AGBL1: variants seen among roughly 807,000 people sequenced by gnomAD.
AGBL1 encodes cytosolic carboxypeptidase 4.
AGBL1 carries 130 observed loss-of-function variants against 118.9 expected under a neutral mutation model. The ratio of observed to expected loss-of-function variants is 1.09; its 90% CI spans 0.95 to 1.26. The LOEUF (loss-of-function observed/expected upper bound fraction) is 1.26. Ranked by LOEUF, AGBL1 falls within the 50% of genes most tolerant of loss-of-function variation. The probability of loss-of-function intolerance (pLI) is 0.00; values close to 1 mark genes in which losing one functional copy is unlikely to be tolerated. For missense variants in AGBL1, 1,584 were observed against 1,298.1 expected (o/e 1.22, Z -3.38); for synonymous variants, 555 against 478.9 (o/e 1.16, Z -2.08).
intron 18 of AGBL1, among the ~76,000 whole-genome samples, chr15:86,515,201 C>T (rs2083105449): frequency 6.6e-6 from 1 of 152,156 alleles, no homozygotes; most frequent in South Asian, 2.1e-4. Context: ...TACCTCTTGT[C>T]TAGGTTCATT....
At chr15:86,768,081 C>T (rs1021902283) in intron 22 of AGBL1, among the ~76,000 whole-genome samples, 2 of 151,934 alleles carry the variant, frequency 1.3e-5, no homozygotes, top group Admixed American at 6.6e-5. Context: ...TGCTTCAAGC[C>T]AGCCATATCC....
chr15:86,847,391 A>G (rs898164278), intron 22 of AGBL1, among the ~76,000 whole-genome samples: 3 of 152,214 alleles, frequency 2.0e-5, no homozygotes, highest in African/African-American at 7.2e-5. Flanking sequence ...GAATTCTGAT[A>G]TGCCTTCTCT....
At chr15:86,340,067 T>C (rs566214297) in intron 17 of AGBL1, among the ~76,000 whole-genome samples, 11 of 152,236 alleles carry the variant, frequency 7.2e-5, no homozygotes, top group Non-Finnish European at 1.0e-4. Context: ...TTATGATAAC[T>C]GCTTAAAATC....
chr15:86,618,193 TAAAG>T (rs2084757386), intron 21 of AGBL1, among the ~76,000 whole-genome samples: 1 of 152,156 alleles, frequency 6.6e-6, no homozygotes, highest in South Asian at 2.1e-4. Context: ...ATAATTTAAA[TAAAG>T]AAACAGGAGG....
intron 7 of AGBL1, among the ~76,000 whole-genome samples, chr15:86,252,767 C>T (rs74616635): frequency 3.3e-4 from 50 of 152,176 alleles, no homozygotes; most frequent in African/African-American, 1.0e-3. Flanking sequence ...CTGTGGAGAG[C>T]GAGTGGGACA....
intron 22 of AGBL1, among the ~76,000 whole-genome samples, chr15:86,752,872 T>C (rs2077876175): frequency 6.6e-6 from 1 of 152,052 alleles, no homozygotes; most frequent in South Asian, 2.1e-4. Context: ...GGACCCTTGA[T>C]TAGATGAGGG....
At chr15:86,317,973 G>A (rs985480352) in intron 17 of AGBL1, among the ~76,000 whole-genome samples, 2 of 152,204 alleles carry the variant, frequency 1.3e-5, no homozygotes, top group African/African-American at 4.8e-5. Flanking sequence ...GTATTATAGT[G>A]TCATGAGTAA....
chr15:86,508,653 T>A (rs990667274), intron 18 of AGBL1, among the ~76,000 whole-genome samples: 2 of 152,116 alleles, frequency 1.3e-5, no homozygotes, highest in Admixed American at 6.6e-5. Context: ...AAAAGCCCTA[T>A]ATTGATGATC....
intron 17 of AGBL1, among the ~76,000 whole-genome samples, chr15:86,324,119 G>A (rs1437052884): frequency 6.6e-6 from 1 of 152,184 alleles, no homozygotes. Flanking sequence ...TTAATTTAGT[G>A]TCAGGCACTG....
chr15:86,649,469 G>A (rs1385587911), intron 21 of AGBL1, among the ~76,000 whole-genome samples: 2 of 152,122 alleles, frequency 1.3e-5, no homozygotes, highest in Admixed American at 6.5e-5. Context: ...GAAATTTTCA[G>A]TCATGAATTT....
intron 22 of AGBL1, among the ~76,000 whole-genome samples, chr15:86,727,280 G>T (rs78119909): frequency 0.047 from 7,193 of 152,188 alleles, 310 homozygotes; most frequent in East Asian, 0.13. Flanking sequence ...CAGACTTAGG[G>T]AGACTCTCTT....
chr15:86,811,320 T>A (rs930816206), intron 22 of AGBL1, among the ~76,000 whole-genome samples: 1 of 152,246 alleles, frequency 6.6e-6, no homozygotes, highest in Middle Eastern at 3.4e-3. Context: ...CGGAGGAGGA[T>A]GAAAGATGGG....
At chr15:86,108,022 C>T (rs1022400392) in intron 1 of AGBL1, among the ~76,000 whole-genome samples, 37 of 152,226 alleles carry the variant, frequency 2.4e-4, no homozygotes, top group African/African-American at 8.7e-4. Context: ...AAAATCTGTA[C>T]ACCATGTGAG....
intron 18 of AGBL1, among the ~76,000 whole-genome samples, chr15:86,483,457 G>A (rs959380033): frequency 2.2e-4 from 34 of 152,224 alleles, no homozygotes; most frequent in African/African-American, 8.2e-4. Context: ...GTTAGCGAGG[G>A]AGGAGGTATA....
chr15:86,294,667 G>C (rs4433787), intron 16 of AGBL1, among the ~76,000 whole-genome samples: 36,460 of 151,886 alleles, frequency 0.24, 5,265 homozygotes, highest in Middle Eastern at 0.35. Flanking sequence ...AGTGTTCTGG[G>C]CATGTTCTAT....
intron 24 of AGBL1, among the ~76,000 whole-genome samples, chr15:86,996,715 T>C (rs1186826052): frequency 1.3e-5 from 2 of 152,194 alleles, no homozygotes; most frequent in African/African-American, 4.8e-5. Context: ...ATAAACACAT[T>C]AGATCTGTTT....
chr15:86,846,324 T>C (rs1470156715), intron 22 of AGBL1, among the ~76,000 whole-genome samples: 1 of 152,216 alleles, frequency 6.6e-6, no homozygotes, highest in African/African-American at 2.4e-5. Flanking sequence ...GCTCCGAGCA[T>C]GTCATTTCAC....
intron 22 of AGBL1, among the ~76,000 whole-genome samples, chr15:86,883,007 G>T (rs1320502739): frequency 1.3e-5 from 2 of 152,194 alleles, no homozygotes; most frequent in African/African-American, 4.8e-5. Context: ...TAGAGGAGTT[G>T]CAGAGTTGCT....
intron 5 of AGBL1, among the ~76,000 whole-genome samples, chr15:86,209,828 T>C (rs2078060808): frequency 6.6e-6 from 1 of 152,228 alleles, no homozygotes; most frequent in African/African-American, 2.4e-5. Context: ...AATTTTAATA[T>C]TGTTATGTGT....
Sources: gnomAD v4.1 joint callset for allele counts (sites outside exome capture counted in the v4.1 genomes callset) on GRCh38, gnomAD v4.1.1 for gene constraint, MANE v1.5 for transcripts, NCBI Gene and HGNC (gene_info 2026-07-23, HGNC 2026-07-21) for gene names.